Variants in TM7SF3 observed in about 807,000 individuals in gnomAD.
The protein encoded by TM7SF3 is transmembrane 7 superfamily member 3.
In TM7SF3, 60 loss-of-function variants were observed where a neutral mutation model predicts 65.5. The observed-to-expected ratio is 0.92, with a 90% CI of 0.74 to 1.14. The LOEUF (loss-of-function observed/expected upper bound fraction) is 1.14. TM7SF3 is among the 50% of genes most tolerant of loss of function. TM7SF3 has a pLI of 0.00. For missense variants in TM7SF3, 623 were observed against 684.8 expected, an observed-to-expected ratio of 0.91 and a Z score of 1.01; for synonymous variants, 264 against 259.6, an observed-to-expected ratio of 1.02 and a Z score of -0.16.
At chr12:27,011,811 T>A (rs983191303) in intron 1 of TM7SF3, among the ~76,000 whole-genome samples, 1 of 152,094 alleles carries the variant, frequency 6.6e-6, no homozygotes, top group Non-Finnish European at 1.5e-5. Flanking sequence ...AGAATAACAT[T>A]GAGGAATATC....
intron 1 of TM7SF3, among the ~76,000 whole-genome samples, chr12:27,006,247 C>T (rs1941031466): frequency 6.7e-6 from 1 of 149,794 alleles, no homozygotes; most frequent in Non-Finnish European, 1.5e-5. Flanking sequence ...AAGCAATTCT[C>T]CTGCCTCAAC....
chr12:26,988,258 G>C (rs2136404262), intron 6 of TM7SF3, among the ~76,000 whole-genome samples: 1 of 152,136 alleles, frequency 6.6e-6, no homozygotes, highest in South Asian at 2.1e-4. Flanking sequence ...AACCTTCCTG[G>C]GCTCAGGTGA....
chr12:26,993,433 T>C (rs1221369226), intron 5 of TM7SF3, among the ~76,000 whole-genome samples: 1 of 152,198 alleles, frequency 6.6e-6, no homozygotes, highest in Non-Finnish European at 1.5e-5. Flanking sequence ...GGGAATCCAA[T>C]GGACTAAATT....
intron 8 of TM7SF3, chr12:26,980,170 G>A: frequency 1.7e-6 from 1 of 582,934 alleles, no homozygotes; most frequent in South Asian, 2.2e-5. Flanking sequence ...GACAGGCTTG[G>A]CTTGTCAATA....
intron 3 of TM7SF3, 39 bp downstream of exon 3, chr12:26,999,487 T>G (rs769674703): frequency 1.3e-6 from 2 of 1,596,626 alleles, no homozygotes; most frequent in Non-Finnish European, 1.7e-6. Flanking sequence ...ACATTCCATA[T>G]TCCAAAGAGT....
intron 5 of TM7SF3, among the ~76,000 whole-genome samples, chr12:26,993,687 G>A (rs201634295): frequency 1.3e-5 from 2 of 152,148 alleles, no homozygotes; most frequent in East Asian, 3.9e-4. Flanking sequence ...TTCACCTGCT[G>A]ATCCTTGCTG....
chr12:26,989,123 G>C (rs1940229677), intron 6 of TM7SF3, among the ~76,000 whole-genome samples: 1 of 152,068 alleles, frequency 6.6e-6, no homozygotes, highest in South Asian at 2.1e-4. Flanking sequence ...GCTAATAGTA[G>C]TTAATTTTGG....
rs756917180 is a variant in TM7SF3, at chr12:26,979,840, C to T, written c.1133G>A (p.Cys378Tyr). 24 of 1,614,034 alleles carry T rather than the reference C, an allele frequency of 1.5e-5. No homozygotes were observed. The highest frequency in any genetic ancestry group is 1.8e-5 in the Non-Finnish European group (21 of 1,180,024). Residue 378 changes from cysteine (C) to tyrosine (Y), a missense_variant, in exon 9 of 12, where the codon TGT becomes TAT. Cys to Tyr is a radical substitution (Grantham distance 194). Transcript: ENST00000343028. Reference sequence around the variant, plus strand: ...GAGGAACCCCAGCACTAGTCCAACACAGAGCATGCAGATCGAGAGGATTCC... The same window carrying T: ...GAGGAACCCCAGCACTAGTCCAACATAGAGCATGCAGATCGAGAGGATTCC... ...RFGILSICML[C>Y]VGLVLGFLIS...
chr12:26,985,806 G>GTTTTTTTT lies in TM7SF3; in HGVS notation c.869-2955_869-2948dup, dbSNP rs149988617. On this transcript the variant is annotated intron_variant, in intron 6 of 11. Coordinates refer to ENST00000343028, the MANE Select transcript of TM7SF3 (RefSeq NM_016551.3). The stretch of plus-strand genomic sequence containing the variant: ...CTTTGCTTGGCCAAATTTCTTTTTC[G>GTTTTTTTT]TTTTTTTTTTTTTTTTTTTTTTTTT... Among the ~76,000 whole-genome samples, 72 of 52,830 alleles carry GTTTTTTTT rather than the reference G, an allele frequency of 1.4e-3. 8 individuals are homozygous for GTTTTTTTT. The highest frequency in any genetic ancestry group is 1.7e-3 in the Admixed American group (5 of 2,882). 34.7% of individuals were successfully genotyped at this position (52,830 alleles called of 152,430 possible).
intron 7 of TM7SF3, among the ~76,000 whole-genome samples, chr12:26,981,936 A>C (rs1353963160): frequency 6.6e-6 from 1 of 152,194 alleles, no homozygotes; most frequent in Non-Finnish European, 1.5e-5. Flanking sequence ...CAGACATTTC[A>C]AACTCACTGT....
chr12:27,001,241 C>T (rs144943838), intron 2 of TM7SF3, among the ~76,000 whole-genome samples: 26 of 152,244 alleles, frequency 1.7e-4, no homozygotes, highest in Middle Eastern at 3.4e-3. Context: ...ACAGTGGGAA[C>T]TAAAGGCAGT....
Position 27,014,255 on chromosome 12 carries a change from T to TC in TM7SF3, c.-88dup. On this transcript the variant is annotated 5_prime_UTR_variant, in exon 1 of 12. An upstream open reading frame in the 5' UTR loses its in-frame stop. Coordinates refer to ENST00000343028, the MANE Select transcript of TM7SF3 (RefSeq NM_016551.3). Reference sequence around the variant, plus strand: ...GGGCCCCGCAGCCTCGCCCACGCTATCCCGGGGCGCCCGCATCGGGCGCCA... The same window carrying TC: ...GGGCCCCGCAGCCTCGCCCACGCTATCCCCGGGGCGCCCGCATCGGGCGCCA... 1.6e-6 allele frequency: 2 copies of TC among 1,252,246 alleles called. No individual in the cohort carries two copies. The highest frequency in any genetic ancestry group is 3.2e-5 in the South Asian group (2 of 62,014). The allele number at this position is 1,252,246 out of a possible 1,614,324, so 77.6% of individuals were successfully genotyped here.
rs183094968 is a variant in TM7SF3, at chr12:26,992,428, G to A, written c.691-1801C>T. 1.3e-3 allele frequency among the ~76,000 whole-genome samples: 203 copies of A among 152,016 alleles called. 2 individuals carry two copies. Among genetic ancestry groups the A allele is most frequent in the Middle Eastern group, 3.4e-3 (1 of 294 alleles). ...TGAGTAGCTGGGACTACAGGCGCCC[G>A]CCACCACCACTACGCCCAGCTAATT... On this transcript the variant is annotated intron_variant, in intron 5 of 11. Coordinates refer to ENST00000343028, the MANE Select transcript of TM7SF3 (RefSeq NM_016551.3).
intron 2 of TM7SF3, among the ~76,000 whole-genome samples, chr12:27,000,252 A>G (rs1389533961): frequency 6.6e-6 from 1 of 152,230 alleles, no homozygotes; most frequent in Non-Finnish European, 1.5e-5. Flanking sequence ...CTGTAAAAAT[A>G]ATCTTTGATC....
At chr12:26,986,928 T>G (rs114805309) in intron 6 of TM7SF3, among the ~76,000 whole-genome samples, 1,566 of 152,330 alleles carry the variant, frequency 0.01, 29 homozygotes, top group African/African-American at 0.035. Context: ...TGTCTCCCCT[T>G]GGCTTCAACA....
At chr12:26,984,658 G>A (rs1363626835) in intron 6 of TM7SF3, among the ~76,000 whole-genome samples, 1 of 151,774 alleles carries the variant, frequency 6.6e-6, no homozygotes, top group African/African-American at 2.4e-5. Flanking sequence ...TAAAAACTAA[G>A]ACACAGTTAG....
intron 9 of TM7SF3, among the ~76,000 whole-genome samples, chr12:26,977,412 T>C (rs752700676): frequency 2.6e-5 from 4 of 152,240 alleles, no homozygotes; most frequent in Non-Finnish European, 5.9e-5. Context: ...CTAATCAGAT[T>C]GTAGTGGTCA....
In TM7SF3 at chr12:26,985,497, C is replaced by T. The variant is rs377684878; in HGVS notation, c.869-2638G>A. On this transcript the variant is annotated intron_variant, in intron 6 of 11. Transcript: ENST00000343028. ...AAAATTAGCAGGGTGTGGTGGTACA[C>T]GCCTATAATCCCAGATACTCTGGAG... Among the ~76,000 whole-genome samples, 107 of 151,026 alleles carry T rather than the reference C, an allele frequency of 7.1e-4. No individual in the cohort carries two copies. In the South Asian group the frequency reaches 7.9e-3, roughly 11 times the overall value.
chr12:26,998,180 G>A (rs986246149), intron 3 of TM7SF3, among the ~76,000 whole-genome samples: 14 of 151,990 alleles, frequency 9.2e-5, no homozygotes, highest in African/African-American at 3.4e-4. Context: ...CTACCTTCTT[G>A]ACTACTCCAC....
Sources: allele counts gnomAD v4.1 joint callset (sites outside exome capture counted in the v4.1 genomes callset), GRCh38; gene constraint gnomAD v4.1.1; transcripts MANE v1.5; gene names NCBI Gene and HGNC (gene_info 2026-07-23, HGNC 2026-07-21).